Variants in CCDC92B observed in about 807,000 individuals in gnomAD.
CCDC92B encodes the protein coiled-coil domain-containing 92B.
Under a neutral mutation model 5.6 loss-of-function variants are expected in CCDC92B, and 2 were observed. The ratio of observed to expected loss-of-function variants is 0.36; its 90% CI spans 0.15 to 1.12. The LOEUF is 1.12. Ranked by LOEUF, CCDC92B falls within the 50% of genes most tolerant of loss-of-function variation. The pLI, the probability that CCDC92B is intolerant of heterozygous loss-of-function variation, is 0.40. For missense variants in CCDC92B, 271 were observed against 262.2 expected, an observed-to-expected ratio of 1.03 and a Z score of -0.23; for synonymous variants, 115 against 122.3, an observed-to-expected ratio of 0.94 and a Z score of 0.39.
At chr17:2,730,277 C>A (rs1454497892) in intron 3 of CCDC92B, among the ~76,000 whole-genome samples, 169 bp downstream of exon 3, 1 of 152,152 alleles carries the variant, frequency 6.6e-6, no homozygotes, top group African/African-American at 2.4e-5. Context: ...TTCACAATGT[C>A]GTCCACTGGG....
chr17:2,733,585 A>G (rs1026716127), intron 2 of CCDC92B, among the ~76,000 whole-genome samples: 3 of 150,792 alleles, frequency 2.0e-5, no homozygotes, highest in Non-Finnish European at 3.0e-5. Context: ...TGTTATTGCA[A>G]TGAAAAGGTG....
Position 2,724,166 on chromosome 17 carries a change from G to C in CCDC92B, c.*245C>G, listed in dbSNP as rs990842871. On this transcript the variant is annotated 3_prime_UTR_variant, in exon 4 of 4. Coordinates refer to ENST00000614400, the MANE Select transcript of CCDC92B (RefSeq NM_001355573.2). This position sits in a 1 kb window ranked among gnomAD's most constrained non-coding sequence, Gnocchi z 5.0. The stretch of plus-strand genomic sequence containing the variant: ...ATCGGGACGGCGAGTCCTCTCGGTA[G>C]AGAAGGTGCCCCCGCTCGGCCCCGC... 3.8e-5 allele frequency: 37 copies of C among 985,436 alleles called. No homozygotes were observed. The highest frequency in any genetic ancestry group is 6.1e-5 in the Admixed American group (1 of 16,292). The allele number at this position is 985,436 out of a possible 1,614,324, so 61.0% of individuals were successfully genotyped here. A position where few individuals can be genotyped will look rare whatever the true frequency, so the allele number is the denominator to read the frequency against.
rs1488006879 is a variant in CCDC92B at position 2,723,676 on chromosome 17, C to G, written c.*735G>C. 1 of 152,408 alleles carries G rather than the reference C, an allele frequency of 6.6e-6. No homozygotes were observed. The highest frequency in any genetic ancestry group is 6.5e-5 in the Admixed American group (1 of 15,280). The allele number at this position is 152,408 out of a possible 1,614,324, so 9.4% of individuals were successfully genotyped here. A position where few individuals can be genotyped will look rare whatever the true frequency, so the allele number is the denominator to read the frequency against. On this transcript the variant is annotated 3_prime_UTR_variant, in exon 4 of 4. Coordinates refer to ENST00000614400, the MANE Select transcript of CCDC92B (RefSeq NM_001355573.2). The stretch of plus-strand genomic sequence containing the variant: ...CCCTTCCCCAGCAGAGCTCCCAGTC[C>G]CTGCATACCCAGCGGGGTGGCGACT...
chr17:2,742,351 A>G (rs758427077), intron 1 of CCDC92B, among the ~76,000 whole-genome samples: 14 of 152,082 alleles, frequency 9.2e-5, no homozygotes, highest in Non-Finnish European at 2.1e-4. Context: ...AACAGAGTGG[A>G]TGTGGGGAGG....
intron 3 of CCDC92B, among the ~76,000 whole-genome samples, chr17:2,727,592 A>G (rs529696917): frequency 1.5e-4 from 22 of 151,640 alleles, no homozygotes; most frequent in Admixed American, 5.9e-4. Context: ...TTGGGAGGCC[A>G]AGGTGGGCGG....
chr17:2,744,067 G>A (rs2070956114), intron 1 of CCDC92B, among the ~76,000 whole-genome samples: 1 of 151,946 alleles, frequency 6.6e-6, no homozygotes, highest in Admixed American at 6.6e-5. Flanking sequence ...TAGCAGAGAT[G>A]GGGTTTCACC....
At position 2,727,756 on chromosome 17, in the gene CCDC92B, G is replaced by A. The variant is rs562584062; in HGVS notation, c.178+2690C>T. ...GGAGAATTGCTTGACCCTGGGAGGC[G>A]GAGGTTGCAGTGAGCTGAGATCGCG... On this transcript the variant is annotated intron_variant, in intron 3 of 3. Transcript: ENST00000614400. Among the ~76,000 whole-genome samples the A allele has an allele frequency of 4.3e-4, 65 of 151,996 alleles. 1 individual carries two copies. Among genetic ancestry groups the A allele is most frequent in the South Asian group, 1.2e-3 (6 of 4,802 alleles).
chr17:2,737,783 T>C (rs1262483776), intron 1 of CCDC92B, among the ~76,000 whole-genome samples: 2 of 151,872 alleles, frequency 1.3e-5, no homozygotes, highest in African/African-American at 2.4e-5. Context: ...GCCATCCAAA[T>C]AGGCCTTTAA....
intron 3 of CCDC92B, 112 bp from the exon 4 acceptor site, chr17:2,725,112 T>G (rs2070711250): frequency 1.0e-6 from 1 of 985,520 alleles, no homozygotes; most frequent in African/African-American, 1.7e-5. Context: ...GGGCCTCATT[T>G]CTGCAATCCC....
intron 1 of CCDC92B, chr17:2,748,402 CCA>C: frequency 1.0e-6 from 1 of 985,314 alleles, no homozygotes; most frequent in Non-Finnish European, 1.2e-6. Flanking sequence ...GCAGCTAGCA[CCA>C]CAGTCTGCCA....
intron 3 of CCDC92B, among the ~76,000 whole-genome samples, chr17:2,725,516 T>C (rs1489851168): frequency 6.6e-6 from 1 of 151,648 alleles, no homozygotes; most frequent in African/African-American, 2.4e-5. Context: ...GTACCTACTC[T>C]ACCCTCTGCT....
chr17:2,736,256 G>A (rs919337154), intron 1 of CCDC92B, among the ~76,000 whole-genome samples: 4 of 151,844 alleles, frequency 2.6e-5, no homozygotes, highest in South Asian at 2.1e-4. Context: ...GTGAAACCCC[G>A]TCTCTACTCA....
At chr17:2,732,809 C>T (rs986909147) in intron 2 of CCDC92B, among the ~76,000 whole-genome samples, 4 of 151,520 alleles carry the variant, frequency 2.6e-5, no homozygotes, top group Non-Finnish European at 4.4e-5. Context: ...GTCAGGAGAT[C>T]GAGACCATCC....
intron 3 of CCDC92B, among the ~76,000 whole-genome samples, chr17:2,729,541 C>T (rs2070772127): frequency 6.7e-6 from 1 of 148,450 alleles, no homozygotes; most frequent in Admixed American, 6.7e-5. Context: ...AGTCAGGTAA[C>T]GTGCGTTATA....
chr17:2,737,596 C>T (rs1475430176), intron 1 of CCDC92B, among the ~76,000 whole-genome samples: 2 of 151,040 alleles, frequency 1.3e-5, no homozygotes, highest in African/African-American at 2.4e-5. Flanking sequence ...CTCAGCCTCC[C>T]GAGTAGCTGG....
intron 1 of CCDC92B, among the ~76,000 whole-genome samples, chr17:2,739,211 C>CAA (rs1166077736): frequency 2.0e-5 from 3 of 146,866 alleles, no homozygotes; most frequent in Admixed American, 1.4e-4. Context: ...ACTAAAAATA[C>CAA]AAAAAATTAG....
chr17:2,739,159 A>T (rs1295910645), intron 1 of CCDC92B, among the ~76,000 whole-genome samples: 1 of 151,520 alleles, frequency 6.6e-6, no homozygotes, highest in Non-Finnish European at 1.5e-5. Flanking sequence ...CGAGGTCAGG[A>T]GATCGAGACC....
chr17:2,728,467 G>A lies in CCDC92B; in HGVS notation c.178+1979C>T, dbSNP rs547429994. 3.0e-4 allele frequency among the ~76,000 whole-genome samples: 45 copies of A among 152,158 alleles called. No homozygotes were observed. In the South Asian group the frequency reaches 3.5e-3, roughly 12 times the overall value. On this transcript the variant is annotated intron_variant, in intron 3 of 3. Coordinates refer to ENST00000614400, the MANE Select transcript of CCDC92B (RefSeq NM_001355573.2). ...TAAAAATACAAAAAATGAGCCGGGCGTGGTGGCGGGCGCCTGTAGTCCCAG... is the reference window on the plus strand; with the variant it reads ...TAAAAATACAAAAAATGAGCCGGGCATGGTGGCGGGCGCCTGTAGTCCCAG...
Position 2,748,453 on chromosome 17 carries a change from C to T in CCDC92B, c.-24+958G>A, listed in dbSNP as rs553308246. On this transcript the variant is annotated intron_variant, in intron 1 of 3. Transcript: ENST00000614400. ...TGTTCTGTGTGTGTGTGTGTGTGCA[C>T]GCATGCCTGCACGCACCTGGCTTCC... 29 of 963,180 alleles carry T rather than the reference C, an allele frequency of 3.0e-5. No homozygotes were observed. In the East Asian group the frequency reaches 9.2e-4, roughly 31 times the overall value. 59.7% of individuals were successfully genotyped at this position (963,180 alleles called of 1,614,324 possible).
Sources: gnomAD v4.1 joint callset for allele counts (sites outside exome capture counted in the v4.1 genomes callset) on GRCh38, gnomAD v4.1.1 for gene constraint, Gnocchi (gnomAD v3.1) non-coding constraint, MANE v1.5 for transcripts, NCBI Gene and HGNC (gene_info 2026-07-23, HGNC 2026-07-21) for gene names.